ALKBH3: variants seen among roughly 807,000 people sequenced by gnomAD.
ALKBH3 encodes alpha-ketoglutarate-dependent dioxygenase alkB homolog 3.
A neutral mutation model predicts 43.9 loss-of-function variants in ALKBH3; 51 were observed. The observed-to-expected ratio is 1.16, with a 90% confidence interval of 0.93 to 1.47. ALKBH3 has a LOEUF of 1.47. Among genes scored for constraint, ALKBH3 ranks in the 40% most tolerant of loss-of-function variants. ALKBH3 has a pLI of 0.00. For missense variants in ALKBH3, 361 were observed against 351.9 expected (o/e 1.03, Z -0.21); for synonymous variants, 102 against 115.2 (o/e 0.89, Z 0.73).
intron 5 of ALKBH3, among the ~76,000 whole-genome samples, chr11:43,888,990 T>C (rs1482281179): frequency 6.6e-6 from 1 of 152,262 alleles, no homozygotes; most frequent in African/African-American, 2.4e-5. Context: ...CTACCAATTG[T>C]TTAAATAAAA....
chr11:43,900,097 T>G (rs1951851210), intron 7 of ALKBH3, among the ~76,000 whole-genome samples: 1 of 151,698 alleles, frequency 6.6e-6, no homozygotes. Flanking sequence ...TGCAAAACAG[T>G]GTCACCCTTC....
At chr11:43,898,955 G>A in intron 7 of ALKBH3, 9 of 749,740 alleles carry the variant, frequency 1.2e-5, no homozygotes, top group Non-Finnish European at 2.0e-5. Flanking sequence ...GGACCATGGA[G>A]GAGCTGGAGA....
chr11:43,897,861 A>ATG, intron 7 of ALKBH3: 2 of 789,914 alleles, frequency 2.5e-6, no homozygotes, highest in South Asian at 2.7e-5. Context: ...TGAAAGTACC[A>ATG]TGGAAAAAAT....
At chr11:43,898,205 T>A in intron 7 of ALKBH3, 1 of 1,146,668 alleles carries the variant, frequency 8.7e-7, no homozygotes, top group Non-Finnish European at 1.3e-6. Flanking sequence ...GAGAGCTGTC[T>A]CATTAGACTT....
intron 8 of ALKBH3, chr11:43,917,040 A>C (rs1009417196): frequency 2.0e-5 from 3 of 152,206 alleles, no homozygotes; most frequent in Non-Finnish European, 1.5e-5. Flanking sequence ...TCCTTTGTGG[A>C]CTGATTCGAG....
chr11:43,886,489 A>G (rs1951747215), intron 4 of ALKBH3, 117 bp from the exon 5 acceptor site: 2 of 912,756 alleles, frequency 2.2e-6, no homozygotes, highest in Admixed American at 2.1e-5. Context: ...TGCCTCTCTC[A>G]TAACTAAATG....
intron 7 of ALKBH3, chr11:43,898,458 G>A: frequency 2.2e-6 from 2 of 896,848 alleles, no homozygotes; most frequent in Admixed American, 1.8e-5. Context: ...CCCTCTGTAT[G>A]CTCAGGCTGG....
At chr11:43,883,366 G>A (rs1220464677) in intron 3 of ALKBH3, among the ~76,000 whole-genome samples, 178 bp downstream of exon 3, 4 of 152,154 alleles carry the variant, frequency 2.6e-5, no homozygotes, top group East Asian at 1.9e-4. Flanking sequence ...GGGATTCTTC[G>A]TAGTCTGCTC....
intron 8 of ALKBH3, among the ~76,000 whole-genome samples, chr11:43,905,194 CA>C (rs1951887607): frequency 6.6e-6 from 1 of 152,192 alleles, no homozygotes; most frequent in Non-Finnish European, 1.5e-5. Flanking sequence ...TCCACCCTTG[CA>C]GCAGCTGTTT....
rs540607071 is a variant in ALKBH3 at position 43,902,644 on chromosome 11, G to A, written c.669+919G>A. On this transcript the variant is annotated intron_variant, in intron 8 of 9. Transcript: ENST00000302708. The stretch of plus-strand genomic sequence containing the variant: ...GGAGTCTCACTCTGTCGCCCAGGCT[G>A]GAGTGCAAGTGGCACGATCTCGGCT... Among the ~76,000 whole-genome samples the A allele has an allele frequency of 1.2e-4, 18 of 152,334 alleles. No homozygotes were observed. The East Asian group carries it at 2.9e-3, about 24-fold the overall frequency.
At chr11:43,882,557 C>CTGTTT (rs1328257521) in intron 1 of ALKBH3, 26 bp from the exon 2 acceptor site, 24 of 1,121,776 alleles carry the variant, frequency 2.1e-5, no homozygotes, top group East Asian at 2.5e-5. Flanking sequence ...ACTAAAAGCA[C>CTGTTT]TGTTTTGTTT....
intron 8 of ALKBH3, among the ~76,000 whole-genome samples, chr11:43,918,484 T>TC (rs1418113878): frequency 1.3e-5 from 2 of 152,180 alleles, no homozygotes; most frequent in Non-Finnish European, 2.9e-5. Flanking sequence ...GGAATATGTC[T>TC]CCAAAACTCC....
At position 43,889,828 on chromosome 11, in the gene ALKBH3, G is replaced by T. The variant is rs1334595814; in HGVS notation, c.370G>T (p.Asp124Tyr). 1.2e-6 allele frequency: 2 copies of T among 1,609,770 alleles called. No homozygotes were observed. Among genetic ancestry groups the T allele is most frequent in the South Asian group, 1.1e-5 (1 of 90,972 alleles). Reference protein sequence around the residue: ...PWKQRTGIREDITYQQPRLTA... With the variant: ...PWKQRTGIREYITYQQPRLTA... ...GAAACAGAGGACTGGCATCAGAGAG[G>T]GTAAGTAGATCCCAGAGGTCACAGT... Residue 124 changes from aspartate (D) to tyrosine (Y), a missense_variant and splice_region_variant, in exon 6 of 10, where the codon GAT (aspartate) becomes TAT (tyrosine). Coordinates refer to ENST00000302708, the MANE Select transcript of ALKBH3 (RefSeq NM_139178.4).
chr11:43,908,154 C>T (rs1489489037), intron 8 of ALKBH3, among the ~76,000 whole-genome samples: 1 of 152,234 alleles, frequency 6.6e-6, no homozygotes, highest in Non-Finnish European at 1.5e-5. Context: ...GATCACCTTC[C>T]ACCTGAGAGG....
chr11:43,885,264 AAAAT>A lies in ALKBH3; in HGVS notation c.218+1249_218+1252del, dbSNP rs1160188771. Among the ~76,000 whole-genome samples the A allele has an allele frequency of 3.3e-5, 5 of 152,342 alleles. No homozygotes were observed. In the East Asian group the frequency reaches 9.6e-4, roughly 29 times the overall value. On this transcript the variant is annotated intron_variant, in intron 4 of 9. Coordinates refer to ENST00000302708, the MANE Select transcript of ALKBH3 (RefSeq NM_139178.4). ...AAAGTTAACTATGCTAGGTTTTAAA[AAAAT>A]AGCCGGAAATGTCTTCCATATTTAA...
At chr11:43,904,448 G>T (rs543459078) in intron 8 of ALKBH3, among the ~76,000 whole-genome samples, 2 of 152,282 alleles carry the variant, frequency 1.3e-5, no homozygotes, top group Non-Finnish European at 2.9e-5. Context: ...TTGGGAAATT[G>T]AATATTAATA....
chr11:43,911,840 C>T (rs953680365), intron 8 of ALKBH3, among the ~76,000 whole-genome samples: 8 of 152,034 alleles, frequency 5.3e-5, no homozygotes, highest in Admixed American at 2.0e-4. Flanking sequence ...AAAAAGGGAG[C>T]GGCCAGGCGC....
Position 43,898,507 on chromosome 11 carries a change from GA to G in ALKBH3, c.460-3008del, listed in dbSNP as rs1951836254. ...CAACGGCTTGGTGAGAGCACTCGGG[GA>G]GGAAGCCCTGCTGAGATACGTTCTC... On this transcript the variant is annotated intron_variant, in intron 7 of 9. Coordinates refer to ENST00000302708, the MANE Select transcript of ALKBH3 (RefSeq NM_139178.4). 5.3e-6 allele frequency: 5 copies of G among 943,332 alleles called. No homozygotes were observed. In the South Asian group the frequency reaches 6.5e-5, roughly 12 times the overall value. 58.4% of individuals were successfully genotyped at this position (943,332 alleles called of 1,614,324 possible). A position where few individuals can be genotyped will look rare whatever the true frequency, so the allele number is the denominator to read the frequency against.
intron 7 of ALKBH3, among the ~76,000 whole-genome samples, chr11:43,895,267 G>C (rs118132551): frequency 6.6e-6 from 1 of 152,140 alleles, no homozygotes; most frequent in South Asian, 2.1e-4. Flanking sequence ...AATAATCCCC[G>C]TGTATCAAGG....
Sources: allele counts gnomAD v4.1 joint callset (sites outside exome capture counted in the v4.1 genomes callset), GRCh38; gene constraint gnomAD v4.1.1; transcripts MANE v1.5; gene names NCBI Gene and HGNC (gene_info 2026-07-23, HGNC 2026-07-21).